The following TBX19 variants were observed in gnomAD, a reference collection of about 807,000 sequenced individuals.
TBX19 encodes T-box transcription factor 19, also known as T-box transcription factor TBX19.
Under a neutral mutation model 40.9 loss-of-function variants are expected in TBX19, and 33 were observed. The ratio of observed to expected loss-of-function variants is 0.81; its 90% CI spans 0.61 to 1.08. The LOEUF is 1.08. Among genes scored for constraint, TBX19 ranks in the 50% least tolerant of loss-of-function variants. The probability of loss-of-function intolerance (pLI) is 0.00; values close to 1 mark genes in which losing one functional copy is unlikely to be tolerated. For synonymous variants in TBX19, 220 were observed against 225.0 expected, an observed-to-expected ratio of 0.98 and a Z score of 0.20; for missense variants, 494 against 574.0, an observed-to-expected ratio of 0.86 and a Z score of 1.42.
At chr1:168,304,933 A>G (rs16860326) in intron 5 of TBX19, 75 bp from the exon 6 acceptor site, 53,716 of 1,434,164 alleles carry the variant, frequency 0.037, 2,289 homozygotes, top group East Asian at 0.2. Context: ...TAGCTGTGTA[A>G]AGTAGCTGGT....
At position 168,280,976 on chromosome 1, in the gene TBX19, T is replaced by C; in HGVS notation, c.-115T>C. 3.0e-6 allele frequency: 3 copies of C among 988,810 alleles called. No individual in the cohort carries two copies. The highest frequency in any genetic ancestry group is 2.0e-5 in the Admixed American group (1 of 50,670). The allele number at this position is 988,810 out of a possible 1,614,324, so 61.3% of individuals were successfully genotyped here. A position where few individuals can be genotyped will look rare whatever the true frequency, so the allele number is the denominator to read the frequency against. ...CTTAGGCAAGAGCCAGGGTATCTTC[T>C]CTCCGCTCCCCAAGCACTGTTCAAG... On this transcript the variant is annotated 5_prime_UTR_variant, in exon 1 of 8. Coordinates refer to ENST00000367821, the MANE Select transcript of TBX19 (RefSeq NM_005149.3).
intron 1 of TBX19, among the ~76,000 whole-genome samples, chr1:168,283,481 C>A (rs776549501): frequency 2.0e-5 from 3 of 152,156 alleles, no homozygotes; most frequent in Admixed American, 6.5e-5. Flanking sequence ...TACCCCCAAC[C>A]TCTTAGTTTC....
intron 1 of TBX19, among the ~76,000 whole-genome samples, chr1:168,281,915 CT>C (rs1283319022): frequency 6.6e-5 from 10 of 152,284 alleles, no homozygotes; most frequent in Admixed American, 6.5e-4. Context: ...AAGATGCCTT[CT>C]TTCTTATCAG....
chr1:168,295,765 G>A (rs897526630), intron 3 of TBX19, among the ~76,000 whole-genome samples: 2 of 152,128 alleles, frequency 1.3e-5, no homozygotes, highest in Admixed American at 6.5e-5. Context: ...CGGGGTGGTG[G>A]GGGGTGCATG....
At chr1:168,301,193 C>T (rs1649265923) in intron 5 of TBX19, among the ~76,000 whole-genome samples, 1 of 152,210 alleles carries the variant, frequency 6.6e-6, no homozygotes, top group Admixed American at 6.5e-5. Context: ...TCTTCCTTCC[C>T]TTCAATCTTA....
intron 1 of TBX19, among the ~76,000 whole-genome samples, chr1:168,282,739 A>G (rs1292526734): frequency 2.0e-5 from 3 of 152,188 alleles, no homozygotes; most frequent in African/African-American, 7.2e-5. Flanking sequence ...AAATTTTATT[A>G]TATCTGATTA....
At chr1:168,308,581 C>T (rs1649457905) in intron 6 of TBX19, 161 bp from the exon 7 acceptor site, 1 of 874,964 alleles carries the variant, frequency 1.1e-6, no homozygotes, top group Admixed American at 2.2e-5. Flanking sequence ...TGAGGAAACC[C>T]ACGTTTCTTT....
intron 2 of TBX19, 113 bp from the exon 3 acceptor site, chr1:168,293,031 T>C (rs771919670): frequency 6.4e-7 from 1 of 1,569,776 alleles, no homozygotes; most frequent in East Asian, 2.3e-5. Flanking sequence ...GAAATGTGTG[T>C]CCCTAACCGG....
chr1:168,297,933 A>C, intron 4 of TBX19, 148 bp downstream of exon 4: 122 of 685,326 alleles, frequency 1.8e-4, no homozygotes, highest in East Asian at 2.6e-4. Context: ...GCGGTGGCTC[A>C]TGCCTGTAAT....
At chr1:168,294,844 T>C (rs1649060772) in intron 3 of TBX19, among the ~76,000 whole-genome samples, 1 of 152,190 alleles carries the variant, frequency 6.6e-6, no homozygotes, top group South Asian at 2.1e-4. Flanking sequence ...AATATCCTGG[T>C]GCATCTGTCA....
In TBX19 at chr1:168,291,346, C is replaced by T; in HGVS notation, c.390C>T (p.Asn130=). The change falls in exon 2 of 8, where the codon AAC becomes AAT. Residue 130 remains asparagine (N), a synonymous_variant. Transcript: ENST00000367821. The part of the protein sequence containing the change: ...SCVYIHPDSP[N]FGAHWMKAPI... ...TCTACATTCACCCGGACTCCCCCAACTTTGGGGCCCACTGGATGAAAGCTC... is the reference window on the plus strand; with the variant it reads ...TCTACATTCACCCGGACTCCCCCAATTTTGGGGCCCACTGGATGAAAGCTC... 1.9e-6 allele frequency: 3 copies of T among 1,614,252 alleles called. No individual in the cohort carries two copies. The highest frequency in any genetic ancestry group is 2.5e-6 in the Non-Finnish European group (3 of 1,180,042).
At position 168,297,747 on chromosome 1, in the gene TBX19, C is replaced by A; in HGVS notation, c.627C>A (p.Tyr209Ter). The A allele has an allele frequency of 6.2e-7, 1 of 1,614,130 alleles. No homozygotes were observed. The highest frequency in any genetic ancestry group is 8.5e-7 in the Non-Finnish European group (1 of 1,179,984). Residue 209 changes from tyrosine (Y) to a stop codon, truncating the protein, a stop_gained, in exon 4 of 8, where the codon TAC becomes TAA. Coordinates refer to ENST00000367821, the MANE Select transcript of TBX19 (RefSeq NM_005149.3). LOFTEE classifies it high-confidence loss of function. The stretch of plus-strand genomic sequence containing the variant: ...AGATAACGGCTCTCAAAATCAAGTA[C>A]AATCCTTTTGCCAAAGCCTTCTTGG... ...NEEITALKIKYNPFAKAFLDA... is the reference protein window; with the variant it reads ...NEEITALKIK
chr1:168,291,560 G>A, intron 2 of TBX19, 136 bp downstream of exon 2: 9 of 1,261,262 alleles, frequency 7.1e-6, no homozygotes, highest in Non-Finnish European at 1.0e-5. Context: ...ATTATTCCCG[G>A]GAGTCCAAAT....
chr1:168,291,221 C>T lies in TBX19; in HGVS notation c.265C>T (p.Leu89Phe), dbSNP rs1365741516. Reference sequence around the variant, plus strand: ...GTTGGACCCCAATGCCATGTACTCCCTCCTGCTGGACTTTGTCCCTACGGA... The same window carrying T: ...GTTGGACCCCAATGCCATGTACTCCTTCCTGCTGGACTTTGTCCCTACGGA... Reference protein sequence around the residue: ...TGLDPNAMYSLLLDFVPTDSH... With the variant: ...TGLDPNAMYSFLLDFVPTDSH... Residue 89 changes from leucine to phenylalanine, a missense_variant, in exon 2 of 8, where the codon CTC becomes TTC. Coordinates refer to ENST00000367821, the MANE Select transcript of TBX19 (RefSeq NM_005149.3). The T allele has an allele frequency of 3.1e-6, 5 of 1,614,220 alleles. No individual in the cohort carries two copies. Among genetic ancestry groups the T allele is most frequent in the East Asian group, 4.5e-5 (2 of 44,890 alleles).
At chr1:168,297,409 A>G (rs1649139150) in intron 3 of TBX19, among the ~76,000 whole-genome samples, 1 of 152,264 alleles carries the variant, frequency 6.6e-6, no homozygotes, top group South Asian at 2.1e-4. Flanking sequence ...TAGGTTTCGC[A>G]CATCAGGGCT....
At chr1:168,296,928 A>G (rs1476008988) in intron 3 of TBX19, among the ~76,000 whole-genome samples, 3 of 152,210 alleles carry the variant, frequency 2.0e-5, no homozygotes, top group African/African-American at 4.8e-5. Context: ...TATTTACTCA[A>G]CAAATATTTG....
At chr1:168,284,130 C>G (rs1648745972) in intron 1 of TBX19, among the ~76,000 whole-genome samples, 1 of 152,118 alleles carries the variant, frequency 6.6e-6, no homozygotes, top group African/African-American at 2.4e-5. Context: ...TTTCTCTCCC[C>G]TCCCCCATTC....
chr1:168,287,277 CTTGCT>C (rs1277917769), intron 1 of TBX19, among the ~76,000 whole-genome samples: 1 of 152,148 alleles, frequency 6.6e-6, no homozygotes, highest in African/African-American at 2.4e-5. Context: ...GGCCATTGTA[CTTGCT>C]ATTTCCTTTG....
At position 168,313,580 on chromosome 1, in the gene TBX19, C is replaced by T. The variant is rs1301012236; in HGVS notation, c.*578C>T. Reference sequence around the variant, plus strand: ...GTCATGTCACTCCTCTGCTCAGAAACCTTCAATGGTTCACCATTACCAGTG... The same window carrying T: ...GTCATGTCACTCCTCTGCTCAGAAATCTTCAATGGTTCACCATTACCAGTG... On this transcript the variant is annotated 3_prime_UTR_variant, in exon 8 of 8. Transcript: ENST00000367821. 6.2e-6 allele frequency: 1 copy of T among 161,580 alleles called. No individual in the cohort carries two copies. Among genetic ancestry groups the T allele is most frequent in the Non-Finnish European group, 1.4e-5 (1 of 73,560 alleles). 10.0% of individuals were successfully genotyped at this position (161,580 alleles called of 1,614,324 possible).
Sources: allele counts gnomAD v4.1 joint callset (sites outside exome capture counted in the v4.1 genomes callset), GRCh38; gene constraint gnomAD v4.1.1; transcripts MANE v1.5; gene names NCBI Gene and HGNC (gene_info 2026-07-23, HGNC 2026-07-21).